The following TP53I11 variants were observed in gnomAD, a reference collection of about 807,000 sequenced individuals.
TP53I11 encodes tumor protein p53 inducible protein 11.
TP53I11 carries 9 observed loss-of-function variants against 23.3 expected under a neutral mutation model. The ratio of observed to expected loss-of-function variants is 0.39; its 90% CI spans 0.23 to 0.67. The LOEUF (loss-of-function observed/expected upper bound fraction) is 0.67. Ranked by LOEUF, TP53I11 falls within the 30% of genes least tolerant of loss-of-function variation. The probability of loss-of-function intolerance (pLI) is 0.48; values close to 1 mark genes in which losing one functional copy is unlikely to be tolerated. For synonymous variants in TP53I11, 100 were observed against 106.1 expected (o/e 0.94, Z 0.35); for missense variants, 170 against 255.2 (o/e 0.67, Z 2.27).
chr11:44,936,750 G>GCC lies in TP53I11; in HGVS notation c.334+52_334+53insGG. On this transcript the variant is annotated intron_variant, in intron 5 of 6. Transcript: ENST00000525680. The surrounding 1 kb of genome is among the most constrained non-coding windows in gnomAD (Gnocchi z 4.4). ...CCCCCGTGCTCTCCTCAGCCCCGCT[G>GCC]GGTCTCCCAGCTGCCCGTCGCCTCC... 3.4e-6 allele frequency: 5 copies of GCC among 1,463,870 alleles called. No homozygotes were observed. Among genetic ancestry groups the GCC allele is most frequent in the Non-Finnish European group, 4.5e-6 (5 of 1,106,422 alleles). 90.7% of individuals were successfully genotyped at this position (1,463,870 alleles called of 1,614,324 possible). A position where few individuals can be genotyped will look rare whatever the true frequency, so the allele number is the denominator to read the frequency against.
chr11:44,950,365 G>A (rs1397989433), intron 1 of TP53I11, among the ~76,000 whole-genome samples: 3 of 152,214 alleles, frequency 2.0e-5, no homozygotes, highest in Non-Finnish European at 4.4e-5. Context: ...TCCAGGAGGA[G>A]GGCGACCGCG....
At chr11:44,939,257 C>T in intron 1 of TP53I11, 1 of 152,232 alleles carries the variant, frequency 6.6e-6, no homozygotes, top group East Asian at 1.9e-4. Flanking sequence ...CCGGGGTGGC[C>T]CTGGCTTCTC....
Position 44,934,881 on chromosome 11 carries a change from C to A in TP53I11, c.*3G>T. ...TGGGCAGGGCCCCAGGCCCAGCGGG[C>A]AACTAGGCCTTCTTGGGTCTTCGGC... On this transcript the variant is annotated 3_prime_UTR_variant, in exon 7 of 7. Coordinates refer to ENST00000525680, the MANE Select transcript of TP53I11 (RefSeq NM_006034.5). 1 of 1,614,010 alleles carries A rather than the reference C, an allele frequency of 6.2e-7. No individual in the cohort carries two copies. Among genetic ancestry groups the A allele is most frequent in the Non-Finnish European group, 8.5e-7 (1 of 1,179,958 alleles).
chr11:44,936,768 T>C lies in TP53I11; in HGVS notation c.334+35A>G, dbSNP rs1372107929. On this transcript the variant is annotated intron_variant, in intron 5 of 6. Coordinates refer to ENST00000525680, the MANE Select transcript of TP53I11 (RefSeq NM_006034.5). This position sits in a 1 kb window ranked among gnomAD's most constrained non-coding sequence, Gnocchi z 4.4. ...CCCCGCTGGGTCTCCCAGCTGCCCG[T>C]CGCCTCCCCCAGGGCCCGCCCCAGC... The C allele has an allele frequency of 6.7e-7, 1 of 1,490,278 alleles. No individual in the cohort carries two copies. The highest frequency in any genetic ancestry group is 1.3e-5 in the South Asian group (1 of 74,774). 92.3% of individuals were successfully genotyped at this position (1,490,278 alleles called of 1,614,324 possible).
At position 44,936,276 on chromosome 11, in the gene TP53I11, C is replaced by A. The variant is rs981765641; in HGVS notation, c.334+527G>T. ...ACTCCAGAGGAGCTCAGCCTTTATT[C>A]TGTAGGCAATAGGGAGCCATAGAAT... On this transcript the variant is annotated intron_variant, in intron 5 of 6. Coordinates refer to ENST00000525680, the MANE Select transcript of TP53I11 (RefSeq NM_006034.5). The surrounding 1 kb of genome is among the most constrained non-coding windows in gnomAD (Gnocchi z 4.4). The A allele has an allele frequency of 2.7e-6, 3 of 1,108,438 alleles. No homozygotes were observed. Among genetic ancestry groups the A allele is most frequent in the South Asian group, 4.4e-5 (1 of 22,586 alleles). 68.7% of individuals were successfully genotyped at this position (1,108,438 alleles called of 1,614,324 possible).
Position 44,935,669 on chromosome 11 carries a change from C to T in TP53I11, c.335-7G>A, listed in dbSNP as rs368279062. On this transcript the variant is annotated splice_polypyrimidine_tract_variant and splice_region_variant and intron_variant, in intron 5 of 6. Transcript: ENST00000525680. ...CACATGATCAGGGAGATGCCTGGGGCGGGGGATGAAAAGGGGGCTGGGGGT... is the reference window on the plus strand; with the variant it reads ...CACATGATCAGGGAGATGCCTGGGGTGGGGGATGAAAAGGGGGCTGGGGGT... 245 of 457,004 alleles carry T rather than the reference C, an allele frequency of 5.4e-4. No individual in the cohort carries two copies. Among genetic ancestry groups the T allele is most frequent in the Admixed American group, 1.7e-3 (57 of 32,892 alleles). 28.3% of individuals were successfully genotyped at this position (457,004 alleles called of 1,614,324 possible).
At chr11:44,937,058 G>C (rs975167213) in intron 4 of TP53I11, 159 bp from the exon 5 acceptor site, 2 of 732,960 alleles carry the variant, frequency 2.7e-6, no homozygotes, top group African/African-American at 3.6e-5. Context: ...CCGCCCCCAT[G>C]CCAGGACAGA....
At chr11:44,940,626 G>A (rs1433917827) in intron 1 of TP53I11, 1 of 152,204 alleles carries the variant, frequency 6.6e-6, no homozygotes, top group Admixed American at 6.5e-5. Flanking sequence ...CCTGGGGTAC[G>A]TGTAACAGCT....
At chr11:44,937,751 A>C (rs1196529587) in intron 2 of TP53I11, 138 bp from the exon 3 acceptor site, 1 of 819,766 alleles carries the variant, frequency 1.2e-6, no homozygotes, top group African/African-American at 1.7e-5. Flanking sequence ...CCAGGTGGGG[A>C]GGGTCACATG....
At chr11:44,935,888 G>A in intron 5 of TP53I11, 1 of 589,472 alleles carries the variant, frequency 1.7e-6, no homozygotes, top group South Asian at 2.0e-5. Flanking sequence ...TCATTCCAAG[G>A]CCCTATGTGA....
chr11:44,941,305 A>C lies in TP53I11; in HGVS notation c.-31-2939T>G, dbSNP rs571782991. Among the ~76,000 whole-genome samples, 258 of 152,308 alleles carry C rather than the reference A, an allele frequency of 1.7e-3. 1 individual carries two copies. The highest frequency in any genetic ancestry group is 8.3e-3 in the South Asian group (40 of 4,826). ...TTCCTCTCTGAGCTCCGGGGTCCTC[A>C]TCTGTGAAACGAAAACAGCCAACCT... On this transcript the variant is annotated intron_variant, in intron 1 of 6. Coordinates refer to ENST00000525680, the MANE Select transcript of TP53I11 (RefSeq NM_006034.5).
chr11:44,942,402 CCACACACACACCA>C lies in TP53I11; in HGVS notation c.-31-4049_-31-4037del, dbSNP rs1565106794. On this transcript the variant is annotated intron_variant, in intron 1 of 6. Transcript: ENST00000525680. ...ACACACACCACACAAACCACAAACA[CCACACACACACCA>C]CACACACACACCATACACACACACA... Among the ~76,000 whole-genome samples the C allele has an allele frequency of 6.1e-5, 9 of 146,702 alleles. No homozygotes were observed. In the East Asian group the frequency reaches 1.7e-3, roughly 27 times the overall value.
At chr11:44,949,435 G>C (rs1277102194) in intron 1 of TP53I11, among the ~76,000 whole-genome samples, 1 of 152,190 alleles carries the variant, frequency 6.6e-6, no homozygotes, top group Non-Finnish European at 1.5e-5. Flanking sequence ...AGGGTAGTGG[G>C]GCGGTGAGGG....
chr11:44,936,921 C>T lies in TP53I11; in HGVS notation c.238-22G>A, dbSNP rs749741489. ...GCGCCTGCGGGCAGCGAGAGGGGCT[C>T]AGAGGTCCCGCTTGGGAGAGGGTGG... On this transcript the variant is annotated intron_variant, in intron 4 of 6. Coordinates refer to ENST00000525680, the MANE Select transcript of TP53I11 (RefSeq NM_006034.5). This position sits in a 1 kb window ranked among gnomAD's most constrained non-coding sequence, Gnocchi z 4.4. The T allele has an allele frequency of 2.6e-6, 4 of 1,567,626 alleles. No individual in the cohort carries two copies. In the African/African-American group the frequency reaches 5.4e-5, roughly 21 times the overall value.
intron 1 of TP53I11, among the ~76,000 whole-genome samples, chr11:44,941,622 G>A (rs1861762737): frequency 6.6e-6 from 1 of 152,124 alleles, no homozygotes; most frequent in Admixed American, 6.5e-5. Context: ...ATGAAGCCAT[G>A]GGGAAGTGCC....
chr11:44,938,152 G>A, intron 2 of TP53I11, 55 bp downstream of exon 2: 1 of 1,563,902 alleles, frequency 6.4e-7, no homozygotes, highest in Non-Finnish European at 8.6e-7. Context: ...TCCCCTAATG[G>A]TGGGTCAGCC....
At chr11:44,948,843 G>A (rs1437327393) in intron 1 of TP53I11, among the ~76,000 whole-genome samples, 1 of 152,210 alleles carries the variant, frequency 6.6e-6, no homozygotes, top group African/African-American at 2.4e-5. Context: ...CACAGAGGTG[G>A]GGCTATCAAA....
intron 2 of TP53I11, 91 bp from the exon 3 acceptor site, chr11:44,937,704 G>A (rs887876610): frequency 2.2e-5 from 31 of 1,385,952 alleles, no homozygotes; most frequent in Non-Finnish European, 3.0e-5. Flanking sequence ...CACACCCAGG[G>A]ACCAGCCTGG....
chr11:44,947,913 A>G (rs1368724706), intron 1 of TP53I11, among the ~76,000 whole-genome samples: 3 of 152,212 alleles, frequency 2.0e-5, no homozygotes, highest in African/African-American at 4.8e-5. Flanking sequence ...CATTATTTTT[A>G]GACTAGAAGA....
Sources: allele counts gnomAD v4.1 joint callset (sites outside exome capture counted in the v4.1 genomes callset), GRCh38; gene constraint gnomAD v4.1.1; non-coding constraint Gnocchi (gnomAD v3.1); transcripts MANE v1.5; gene names NCBI Gene and HGNC (gene_info 2026-07-23, HGNC 2026-07-21).